Variants in OTOG observed in about 807,000 individuals in gnomAD.
The protein encoded by OTOG is otogelin.
OTOG carries 296 observed loss-of-function variants against 313.8 expected under a neutral mutation model. That is an observed-to-expected ratio of 0.94 (90% CI 0.86 to 1.04). The LOEUF (loss-of-function observed/expected upper bound fraction) is 1.04. Ranked by LOEUF, OTOG falls within the 50% of genes least tolerant of loss-of-function variation. The pLI, the probability that OTOG is intolerant of heterozygous loss-of-function variation, is 0.00. For synonymous variants in OTOG, 1,533 were observed against 1,554.9 expected, an observed-to-expected ratio of 0.99 and a Z score of 0.33; for missense variants, 3,948 against 3,840.1, an observed-to-expected ratio of 1.03 and a Z score of -0.74.
intron 17 of OTOG, 47 bp downstream of exon 17, chr11:17,570,437 C>A (rs1052643476): frequency 6.5e-7 from 1 of 1,536,550 alleles, no homozygotes; most frequent in Admixed American, 2.0e-5. Flanking sequence ...AAATGGGCCC[C>A]TTAGGGCTGG....
intron 28 of OTOG, among the ~76,000 whole-genome samples, chr11:17,594,499 GA>G (rs1450060418): frequency 6.6e-6 from 1 of 152,200 alleles, no homozygotes; most frequent in African/African-American, 2.4e-5. Flanking sequence ...GCACAGAGAA[GA>G]GACCAAGAGA....
At chr11:17,588,041 G>A (rs2134052033) in intron 24 of OTOG, among the ~76,000 whole-genome samples, 1 of 152,290 alleles carries the variant, frequency 6.6e-6, no homozygotes, top group East Asian at 1.9e-4. Context: ...GGCAGAGGTG[G>A]TAAGGAGTCT....
chr11:17,595,564 A>G (rs1590028581), intron 28 of OTOG, among the ~76,000 whole-genome samples: 1 of 152,218 alleles, frequency 6.6e-6, no homozygotes, highest in East Asian at 1.9e-4. Flanking sequence ...TCTCATCTGG[A>G]GGCTCTACTG....
chr11:17,606,622 G>C (rs1167589325), intron 33 of OTOG, among the ~76,000 whole-genome samples: 1 of 152,236 alleles, frequency 6.6e-6, no homozygotes, highest in African/African-American at 2.4e-5. Flanking sequence ...CCAACGCCAA[G>C]GGGATCCAGG....
At position 17,631,884 on chromosome 11, in the gene OTOG, A is replaced by G. The variant is rs976595439; in HGVS notation, c.6895A>G (p.Met2299Val). The G allele has an allele frequency of 7.1e-6, 11 of 1,550,296 alleles. No individual in the cohort carries two copies. The African/African-American group carries it at 8.2e-5, about 12-fold the overall frequency. The change falls in exon 41 of 56, where the codon ATG becomes GTG. Residue 2299 changes from methionine to valine, a missense_variant. Met to Val is a conservative substitution (Grantham distance 21). Transcript: ENST00000399397. ...AACTGACTGCTCGCCCTGCCTTCGC[A>G]TGGTGTCCAACCGCACCTTCAGTGC... ...ATTDCSPCLRMVSNRTFSACH... is the reference protein window; with the variant it reads ...ATTDCSPCLRVVSNRTFSACH...
In OTOG at chr11:17,557,200, A is replaced by C. The variant is rs1273127246; in HGVS notation, c.742A>C (p.Thr248Pro). The part of the protein sequence containing the change: ...YVIVRHQSAF[T>P]LAWDGASAVY... ...CATCGTGCGGCATCAGTCAGCCTTC[A>C]CACTGGCCTGGGATGGTGCCTCGGC... is the stretch of plus-strand genomic sequence containing the variant. Residue 248 changes from threonine to proline, a missense_variant, in exon 8 of 56, where the codon ACA (threonine) becomes CCA (proline). Physicochemically the swap from Thr to Pro is conservative, Grantham distance 38 (BLOSUM62 -1). Transcript: ENST00000399397. 3 of 1,550,530 alleles carry C rather than the reference A, an allele frequency of 1.9e-6. No individual in the cohort carries two copies. The African/African-American group carries it at 4.1e-5, about 21-fold the overall frequency.
chr11:17,613,374 C>CCTTCCT (rs1565119211), intron 38 of OTOG, among the ~76,000 whole-genome samples: 4 of 74,716 alleles, frequency 5.4e-5, no homozygotes, highest in African/African-American at 1.6e-4. Context: ...CCTTCCTTCC[C>CCTTCCT]TCCTTCCTTC....
At chr11:17,550,879 C>A (rs1280807368) in intron 3 of OTOG, among the ~76,000 whole-genome samples, 1 of 152,178 alleles carries the variant, frequency 6.6e-6, no homozygotes, top group East Asian at 1.9e-4. Context: ...TCAGGAAGAC[C>A]ATGAAGATGA....
At position 17,629,123 on chromosome 11, in the gene OTOG, C is replaced by A; in HGVS notation, c.6529-10C>A. The A allele has an allele frequency of 6.5e-7, 1 of 1,548,752 alleles. No individual in the cohort carries two copies. The highest frequency in any genetic ancestry group is 2.4e-5 in the East Asian group (1 of 40,898). ...GGACAAGCTGTGCTCACACTGAATT[C>A]CCTCCCAAGGTGACTGTGGACTTGC... On this transcript the variant is annotated splice_polypyrimidine_tract_variant and intron_variant, in intron 39 of 55. Coordinates refer to ENST00000399397, the MANE Select transcript of OTOG (RefSeq NM_001292063.2).
intron 39 of OTOG, among the ~76,000 whole-genome samples, chr11:17,628,253 G>A (rs558497139): frequency 3.3e-5 from 5 of 151,854 alleles, no homozygotes; most frequent in African/African-American, 4.8e-5. Context: ...GTTTTGGTAT[G>A]TTGTGTTTCC....
At chr11:17,645,521 G>A (rs1848055468) in intron 54 of OTOG, 43 bp from the exon 55 acceptor site, 1 of 1,540,656 alleles carries the variant, frequency 6.5e-7, no homozygotes, top group South Asian at 1.2e-5. Context: ...CCCCGAAGAA[G>A]CCTGGTCTTG....
Position 17,609,545 on chromosome 11 carries a change from C to G in OTOG, c.4355-110C>G, listed in dbSNP as rs1256533340. On this transcript the variant is annotated intron_variant, in intron 35 of 55. Transcript: ENST00000399397. Reference sequence around the variant, plus strand: ...TCTGGCCGTTAGAAGCTGCCCTCACCCCATCACCGAGAGTGCCAGTCCTCA... The same window carrying G: ...TCTGGCCGTTAGAAGCTGCCCTCACGCCATCACCGAGAGTGCCAGTCCTCA... 1.4e-5 allele frequency: 14 copies of G among 1,022,672 alleles called. No individual in the cohort carries two copies. The East Asian group carries it at 3.4e-4, about 25-fold the overall frequency. The allele number at this position is 1,022,672 out of a possible 1,614,324, so 63.3% of individuals were successfully genotyped here.
chr11:17,591,416 G>C, intron 24 of OTOG, 34 bp from the exon 25 acceptor site: 1 of 1,549,682 alleles, frequency 6.5e-7, no homozygotes, highest in Non-Finnish European at 8.7e-7. Flanking sequence ...GGGTGGGTGT[G>C]CCCTGTGATC....
In OTOG at chr11:17,559,770, AGGAG is replaced by A. The variant is rs372014625; in HGVS notation, c.1342+126_1342+129del. On this transcript the variant is annotated intron_variant, in intron 12 of 55. Coordinates refer to ENST00000399397, the MANE Select transcript of OTOG (RefSeq NM_001292063.2). The stretch of plus-strand genomic sequence containing the variant: ...CCTGTTTGTGGAAGGAAGGAAGGAA[AGGAG>A]GGAGGGAGGGAGGGAGGAAGGAAAA... 0.016 allele frequency: 5,175 copies of A among 320,054 alleles called. 555 individuals carry two copies. Among genetic ancestry groups the A allele is most frequent in the African/African-American group, 0.06 (2,729 of 45,228 alleles). 19.8% of individuals were successfully genotyped at this position (320,054 alleles called of 1,614,324 possible).
chr11:17,587,575 G>A (rs908757693), intron 24 of OTOG, among the ~76,000 whole-genome samples: 1 of 152,164 alleles, frequency 6.6e-6, no homozygotes, highest in Non-Finnish European at 1.5e-5. Context: ...TGCTGGGACT[G>A]AAACCACCCT....
chr11:17,632,512 C>T (rs1032874550), intron 42 of OTOG, among the ~76,000 whole-genome samples: 5 of 152,054 alleles, frequency 3.3e-5, no homozygotes, highest in Admixed American at 1.3e-4. Flanking sequence ...GCTTTCTTTG[C>T]GTCTCTTCTC....
intron 39 of OTOG, among the ~76,000 whole-genome samples, chr11:17,617,416 A>G (rs1853747386): frequency 6.6e-6 from 1 of 152,236 alleles, no homozygotes; most frequent in Non-Finnish European, 1.5e-5. Context: ...GTAGAATTCA[A>G]CAGTGAAGCC....
chr11:17,629,395 A>T (rs1435458600), intron 40 of OTOG, 79 bp downstream of exon 40: 27 of 1,431,668 alleles, frequency 1.9e-5, no homozygotes, highest in Admixed American at 6.7e-5. Flanking sequence ...CTCCTGGAGC[A>T]GGAAAGGCTG....
At position 17,611,095 on chromosome 11, in the gene OTOG, C is replaced by T. The variant is rs1853529074; in HGVS notation, c.5795C>T (p.Thr1932Ile). Residue 1932 changes from threonine (T) to isoleucine (I), a missense_variant, in exon 36 of 56, where the codon ACA (threonine) becomes ATA (isoleucine). Physicochemically the swap from Thr to Ile is moderately conservative, Grantham distance 89. Coordinates refer to ENST00000399397, the MANE Select transcript of OTOG (RefSeq NM_001292063.2). The part of the protein sequence containing the change: ...SMYGSAEGGP[T>I]ELTPATSHPL... The stretch of plus-strand genomic sequence containing the variant: ...TATGGTTCTGCAGAGGGTGGGCCCA[C>T]AGAGCTCACGCCTGCTACGAGCCAC... 1.3e-6 allele frequency: 2 copies of T among 1,550,400 alleles called. No homozygotes were observed. Among genetic ancestry groups the T allele is most frequent in the South Asian group, 2.4e-5 (2 of 84,062 alleles).
Sources: allele counts gnomAD v4.1 joint callset (sites outside exome capture counted in the v4.1 genomes callset), GRCh38; gene constraint gnomAD v4.1.1; transcripts MANE v1.5; gene names NCBI Gene and HGNC (gene_info 2026-07-23, HGNC 2026-07-21).